Variants in VCAN observed in about 807,000 individuals in gnomAD.
VCAN encodes the protein versican.
A neutral mutation model predicts 245.5 loss-of-function variants in VCAN; 44 were observed. The observed-to-expected ratio is 0.18, with a 90% CI of 0.14 to 0.23. VCAN has a LOEUF of 0.23. Among genes scored for constraint, VCAN ranks in the 10% least tolerant of loss-of-function variants. The probability of loss-of-function intolerance (pLI) is 1.00; values close to 1 mark genes in which losing one functional copy is unlikely to be tolerated. For synonymous variants in VCAN, 1,413 were observed against 1,437.0 expected, an observed-to-expected ratio of 0.98 and a Z score of 0.38; for missense variants, 3,793 against 4,057.9, an observed-to-expected ratio of 0.93 and a Z score of 1.77.
At position 83,537,909 on chromosome 5, in the gene VCAN, A is replaced by G. The variant is rs1746790380; in HGVS notation, c.4906A>G (p.Ile1636Val). 2 of 1,613,858 alleles carry G rather than the reference A, an allele frequency of 1.2e-6. No individual in the cohort carries two copies. Among genetic ancestry groups the G allele is most frequent in the Non-Finnish European group, 8.5e-7 (1 of 1,179,974 alleles). The change falls in exon 8 of 15, where the codon ATT becomes GTT. Residue 1636 changes from isoleucine (I) to valine (V), a missense_variant. This residue lies in a region of VCAN where 3,182 missense variants were observed against 3,250.3 expected (regional missense o/e 0.98). Transcript: ENST00000265077. ...TGTAGAGCTCTCAGGGAGTTCTTCG[A>G]TTCCAATTACAGAAGGCTCTGGAGA... is the stretch of plus-strand genomic sequence containing the variant. ...QVVELSGSSS[I>V]PITEGSGEAE...
chr5:83,502,165 C>T (rs3096170), intron 5 of VCAN, among the ~76,000 whole-genome samples: 7 of 151,886 alleles, frequency 4.6e-5, no homozygotes, highest in Non-Finnish European at 1.0e-4. Flanking sequence ...CTTGCCTCTT[C>T]GTTCTAATTG....
intron 12 of VCAN, among the ~76,000 whole-genome samples, chr5:83,567,217 G>T (rs565775964): frequency 9.8e-4 from 149 of 151,950 alleles, no homozygotes; most frequent in Non-Finnish European, 1.7e-3. Flanking sequence ...TTATATACTA[G>T]ATATAAAATA....
intron 8 of VCAN, among the ~76,000 whole-genome samples, chr5:83,543,792 G>A (rs528150016): frequency 2.3e-4 from 35 of 152,278 alleles, no homozygotes; most frequent in Non-Finnish European, 4.6e-4. Flanking sequence ...TATAGTTTGC[G>A]TCTTCATTGC....
Position 83,512,485 on chromosome 5 carries a change from T to C in VCAN, c.1042+89T>C, listed in dbSNP as rs542845442. ...ATGTTCAACTAGCCGTTGGAGTGGA[T>C]TCCATGTCTTGCAGTGTGTGCACGG... On this transcript the variant is annotated intron_variant, in intron 6 of 14. Transcript: ENST00000265077. 1.2e-5 allele frequency: 18 copies of C among 1,466,820 alleles called. 1 individual carries two copies. In the South Asian group the frequency reaches 2.3e-4, roughly 19 times the overall value. The allele number at this position is 1,466,820 out of a possible 1,614,324, so 90.9% of individuals were successfully genotyped here.
chr5:83,526,827 A>C (rs1009777826), intron 7 of VCAN, among the ~76,000 whole-genome samples: 1 of 152,214 alleles, frequency 6.6e-6, no homozygotes, highest in Non-Finnish European at 1.5e-5. Context: ...TGTATGTGCA[A>C]AACTAAGTCA....
chr5:83,492,663 A>C (rs1050726793), intron 3 of VCAN, among the ~76,000 whole-genome samples: 1 of 152,226 alleles, frequency 6.6e-6, no homozygotes, highest in African/African-American at 2.4e-5. Context: ...CCCCTAAAAT[A>C]CAACAAAGTG....
intron 12 of VCAN, among the ~76,000 whole-genome samples, chr5:83,571,174 A>G (rs192817880): frequency 2.6e-4 from 39 of 151,854 alleles, no homozygotes; most frequent in Admixed American, 2.1e-3. Context: ...GGCGCTGAAC[A>G]AACAAACTTG....
chr5:83,488,590 G>A (rs530145726), intron 2 of VCAN, among the ~76,000 whole-genome samples: 5 of 152,236 alleles, frequency 3.3e-5, no homozygotes, highest in African/African-American at 1.2e-4. Context: ...CATTAAAAGT[G>A]GAATTATTCC....
chr5:83,474,813 G>C (rs1293250247), intron 1 of VCAN, among the ~76,000 whole-genome samples: 1 of 152,234 alleles, frequency 6.6e-6, no homozygotes, highest in Non-Finnish European at 1.5e-5. Context: ...GTTCCATCCA[G>C]ACAGCGCTGA....
At position 83,581,843 on chromosome 5, in the gene VCAN, A is replaced by G. The variant is rs945803650; in HGVS notation, c.*1409A>G. The G allele has an allele frequency of 6.6e-6, 1 of 152,182 alleles. No individual in the cohort carries two copies. Among genetic ancestry groups the G allele is most frequent in the African/African-American group, 2.4e-5 (1 of 41,464 alleles). The allele number at this position is 152,182 out of a possible 1,614,324, so 9.4% of individuals were successfully genotyped here. On this transcript the variant is annotated 3_prime_UTR_variant, in exon 15 of 15. Coordinates refer to ENST00000265077, the MANE Select transcript of VCAN (RefSeq NM_004385.5). ...TATCCACTTAATTTAATGTTTAAAG[A>G]AAAACCTGTAATGGAAAGTAAGACT...
chr5:83,578,909 A>C (rs1748568399), intron 13 of VCAN, among the ~76,000 whole-genome samples: 1 of 152,142 alleles, frequency 6.6e-6, no homozygotes, highest in Non-Finnish European at 1.5e-5. Flanking sequence ...GTTGAATAAA[A>C]CTATGTTAAC....
chr5:83,521,810 C>T lies in VCAN; in HGVS notation c.3504C>T (p.Thr1168=), dbSNP rs1746114015. 6 of 1,614,026 alleles carry T rather than the reference C, an allele frequency of 3.7e-6. No individual in the cohort carries two copies. Among genetic ancestry groups the T allele is most frequent in the Non-Finnish European group, 5.1e-6 (6 of 1,180,042 alleles). The stretch of plus-strand genomic sequence containing the variant: ...ACATTACCCAGCTTATGGAAGAAAC[C>T]ACTACTGAGAAAACATCCCTAGAGG... ...STHITQLMEE[T]TTEKTSLEDI... is the part of the protein sequence containing the mutation. The change falls in exon 7 of 15, where the codon ACC becomes ACT. Residue 1168 remains threonine, a synonymous_variant. Coordinates refer to ENST00000265077, the MANE Select transcript of VCAN (RefSeq NM_004385.5).
chr5:83,566,519 C>T lies in VCAN; in HGVS notation c.9736-5897C>T, dbSNP rs530915791. Among the ~76,000 whole-genome samples, 141 of 152,238 alleles carry T rather than the reference C, an allele frequency of 9.3e-4. 1 individual carries two copies. The highest frequency in any genetic ancestry group is 1.3e-3 in the Non-Finnish European group (88 of 68,014). On this transcript the variant is annotated intron_variant, in intron 12 of 14. Coordinates refer to ENST00000265077, the MANE Select transcript of VCAN (RefSeq NM_004385.5). ...AATTCACCTTGAACAGTGTAAACCC[C>T]ATCTGAATTTGGTAGATTGTTGGTA...
intron 12 of VCAN, among the ~76,000 whole-genome samples, chr5:83,557,309 T>C (rs1747709738): frequency 6.6e-6 from 1 of 152,166 alleles, no homozygotes; most frequent in African/African-American, 2.4e-5. Context: ...TACTAGATGT[T>C]TATTCTGGTC....
chr5:83,490,211 C>G lies in VCAN; in HGVS notation c.184C>G (p.Leu62Val). 1 of 1,614,144 alleles carries G rather than the reference C, an allele frequency of 6.2e-7. No homozygotes were observed. The highest frequency in any genetic ancestry group is 8.5e-7 in the Non-Finnish European group (1 of 1,180,028). ...ACCCAGTTACAACACCAGTGAATTT[C>G]TCCGCATCAAATGGTCTAAGATTGA... ...LPPSYNTSEF[L>V]RIKWSKIEVD... The change falls in exon 3 of 15, where the codon CTC becomes GTC. Residue 62 changes from leucine (L) to valine (V), a missense_variant. Leu to Val is a conservative substitution (Grantham distance 32). This residue lies in a region of VCAN where 179 missense variants were observed against 169.7 expected (regional missense o/e 1.05). Coordinates refer to ENST00000265077, the MANE Select transcript of VCAN (RefSeq NM_004385.5).
chr5:83,553,628 A>G, intron 11 of VCAN, 106 bp downstream of exon 11: 1 of 1,428,706 alleles, frequency 7.0e-7, no homozygotes, highest in Non-Finnish European at 9.7e-7. Flanking sequence ...TCATAATACA[A>G]CTTATCAAAT....
At chr5:83,506,530 A>C (rs917452094) in intron 5 of VCAN, among the ~76,000 whole-genome samples, 1 of 152,190 alleles carries the variant, frequency 6.6e-6, no homozygotes, top group African/African-American at 2.4e-5. Context: ...CAATATCATC[A>C]GCATTTTGGG....
intron 9 of VCAN, 118 bp from the exon 10 acceptor site, chr5:83,547,852 TA>T: frequency 1.3e-6 from 1 of 778,232 alleles, no homozygotes; most frequent in East Asian, 2.7e-5. Flanking sequence ...ATACTTTTTT[TA>T]AAATCTGAAA....
intron 7 of VCAN, among the ~76,000 whole-genome samples, chr5:83,529,116 A>G (rs1746421457): frequency 6.6e-6 from 1 of 151,998 alleles, no homozygotes; most frequent in Non-Finnish European, 1.5e-5. Context: ...TACTAACTAC[A>G]TTAGAACTGG....
Sources: allele counts gnomAD v4.1 joint callset (sites outside exome capture counted in the v4.1 genomes callset), GRCh38; gene constraint gnomAD v4.1.1; regional missense constraint gnomAD v4.1.1; transcripts MANE v1.5; gene names NCBI Gene and HGNC (gene_info 2026-07-23, HGNC 2026-07-21).